The following HTRA1 variants were observed in gnomAD, a reference collection of about 807,000 sequenced individuals.
HTRA1 encodes the protein serine protease HTRA1.
In HTRA1, 26 loss-of-function variants were observed where a neutral mutation model predicts 49.7. That is an observed-to-expected ratio of 0.52 (90% CI 0.38 to 0.73). HTRA1 has a LOEUF of 0.73. Among genes scored for constraint, HTRA1 ranks in the 30% least tolerant of loss-of-function variants. The probability of loss-of-function intolerance (pLI) is 0.00; values close to 1 mark genes in which losing one functional copy is unlikely to be tolerated. For missense variants in HTRA1, 561 were observed against 667.2 expected (o/e 0.84, Z 1.75); for synonymous variants, 291 against 286.9 (o/e 1.01, Z -0.14).
chr10:122,505,015 G>A (rs891606771), intron 3 of HTRA1, among the ~76,000 whole-genome samples: 51 of 152,240 alleles, frequency 3.3e-4, no homozygotes, highest in African/African-American at 1.2e-3. Flanking sequence ...TGTTGGATTT[G>A]CACAGGCCCA....
chr10:122,498,432 A>G (rs1390495434), intron 3 of HTRA1, among the ~76,000 whole-genome samples: 1 of 152,046 alleles, frequency 6.6e-6, no homozygotes, highest in Non-Finnish European at 1.5e-5. Context: ...GCTCACTGCG[A>G]CCACCCTTGA....
In HTRA1 at chr10:122,487,385, G is replaced by A. The variant is rs902992921; in HGVS notation, c.473-1517G>A. 6.6e-6 allele frequency among the ~76,000 whole-genome samples: 1 copy of A among 152,188 alleles called. No individual in the cohort carries two copies. Among genetic ancestry groups the A allele is most frequent in the African/African-American group, 2.4e-5 (1 of 41,436 alleles). ...AAGGCTGCACTTCCAGGGACACACT[G>A]CCTCTGCCACCACCCGTGCCACGAA... is the stretch of plus-strand genomic sequence containing the variant. On this transcript the variant is annotated intron_variant, in intron 1 of 8. Transcript: ENST00000368984. This position sits in a 1 kb window ranked among gnomAD's most constrained non-coding sequence, Gnocchi z 4.8.
Position 122,464,557 on chromosome 10 carries a change from T to A in HTRA1, c.472+2433T>A, listed in dbSNP as rs2097482969. Reference sequence around the variant, plus strand: ...GTGGATTAGTGAATGAATAAATGAATGAATGAAGACAAACGGGAGGTGCTT... The same window carrying A: ...GTGGATTAGTGAATGAATAAATGAAAGAATGAAGACAAACGGGAGGTGCTT... On this transcript the variant is annotated intron_variant, in intron 1 of 8. Transcript: ENST00000368984. The surrounding 1 kb of genome is among the most constrained non-coding windows in gnomAD (Gnocchi z 4.8). Among the ~76,000 whole-genome samples the A allele has an allele frequency of 6.6e-6, 1 of 152,210 alleles. No homozygotes were observed. Among genetic ancestry groups the A allele is most frequent in the African/African-American group, 2.4e-5 (1 of 41,460 alleles).
At chr10:122,496,258 T>TTTTTTTTTTTTTTTG (rs1565427230) in intron 3 of HTRA1, among the ~76,000 whole-genome samples, 2 of 132,506 alleles carry the variant, frequency 1.5e-5, no homozygotes, top group African/African-American at 5.5e-5. Flanking sequence ...TTTTTTTTTT[T>TTTTTTTTTTTTTTTG]TGCAGAGATG....
At chr10:122,492,379 G>A (rs950265402) in intron 3 of HTRA1, among the ~76,000 whole-genome samples, 1 of 152,026 alleles carries the variant, frequency 6.6e-6, no homozygotes, top group Non-Finnish European at 1.5e-5. Flanking sequence ...TGTTGCCCAG[G>A]CTGGAGTGCA....
chr10:122,502,525 C>A (rs959056674), intron 3 of HTRA1, among the ~76,000 whole-genome samples: 2 of 152,152 alleles, frequency 1.3e-5, no homozygotes, highest in African/African-American at 4.8e-5. Flanking sequence ...CCTGGATGGC[C>A]GTCTAGGACA....
chr10:122,488,550 C>T (rs1177152756), intron 1 of HTRA1, among the ~76,000 whole-genome samples: 1 of 151,920 alleles, frequency 6.6e-6, no homozygotes, highest in African/African-American at 2.4e-5. Flanking sequence ...TGACAGAGTG[C>T]GACTCCATCT....
chr10:122,462,592 C>T (rs941294661), intron 1 of HTRA1, among the ~76,000 whole-genome samples: 2 of 152,246 alleles, frequency 1.3e-5, no homozygotes, highest in African/African-American at 2.4e-5. Context: ...CTGCTTTGAT[C>T]ACGGGACCGC....
chr10:122,481,524 C>T (rs535647462), intron 1 of HTRA1, among the ~76,000 whole-genome samples: 18 of 152,344 alleles, frequency 1.2e-4, no homozygotes, highest in South Asian at 1.0e-3. Flanking sequence ...GAGGGCTCCA[C>T]GCTGAAGCTT....
intron 1 of HTRA1, among the ~76,000 whole-genome samples, chr10:122,481,951 A>C (rs1036731487): frequency 1.3e-4 from 20 of 152,078 alleles, no homozygotes; most frequent in Non-Finnish European, 1.5e-5. Flanking sequence ...AGTCCAATAA[A>C]ACCTCCTTCT....
At chr10:122,475,870 A>C (rs2097488254) in intron 1 of HTRA1, among the ~76,000 whole-genome samples, 1 of 152,166 alleles carries the variant, frequency 6.6e-6, no homozygotes, top group Non-Finnish European at 1.5e-5. Context: ...CATGCCCCAG[A>C]CCAGTGCTGG....
In HTRA1 at chr10:122,506,240, C is replaced by T. The variant is rs535678270; in HGVS notation, c.778-451C>T. Among the ~76,000 whole-genome samples, 15 of 152,236 alleles carry T rather than the reference C, an allele frequency of 9.9e-5. No individual in the cohort carries two copies. Among genetic ancestry groups the T allele is most frequent in the South Asian group, 4.1e-4 (2 of 4,820 alleles). On this transcript the variant is annotated intron_variant, in intron 3 of 8. Coordinates refer to ENST00000368984, the MANE Select transcript of HTRA1 (RefSeq NM_002775.5). The surrounding 1 kb of genome is among the most constrained non-coding windows in gnomAD (Gnocchi z 5.2). ...CAGGACGGATGTGCACATGATGAGTCGGGGCAGGTTTCACTGCCTGTAGCT... is the reference window on the plus strand; with the variant it reads ...CAGGACGGATGTGCACATGATGAGTTGGGGCAGGTTTCACTGCCTGTAGCT...
intron 7 of HTRA1, among the ~76,000 whole-genome samples, chr10:122,511,732 CA>C (rs56119820): frequency 0.028 from 3,735 of 133,918 alleles, 99 homozygotes; most frequent in East Asian, 0.15. Context: ...GACTCTGTCT[CA>C]AAAAAAAAAA....
chr10:122,466,311 AC>A (rs1276955199), intron 1 of HTRA1, among the ~76,000 whole-genome samples: 1 of 151,886 alleles, frequency 6.6e-6, no homozygotes, highest in Non-Finnish European at 1.5e-5. Context: ...GACTACAGGC[AC>A]CCGCCACCAC....
Position 122,474,205 on chromosome 10 carries a change from C to T in HTRA1, c.472+12081C>T, listed in dbSNP as rs149874245. Among the ~76,000 whole-genome samples the T allele has an allele frequency of 1.4e-4, 21 of 152,258 alleles. No homozygotes were observed. In the South Asian group the frequency reaches 3.5e-3, roughly 26 times the overall value. ...ACTTTTTTGGAGCTGGAAAGGATGT[C>T]GGAAACCGTCTAGCCTACCCCCTCA... On this transcript the variant is annotated intron_variant, in intron 1 of 8. Coordinates refer to ENST00000368984, the MANE Select transcript of HTRA1 (RefSeq NM_002775.5).
At chr10:122,488,273 A>G (rs972116707) in intron 1 of HTRA1, among the ~76,000 whole-genome samples, 2 of 152,162 alleles carry the variant, frequency 1.3e-5, no homozygotes, top group Admixed American at 6.5e-5. Flanking sequence ...TGCCACATCA[A>G]AAAGGGACCC....
At chr10:122,504,014 G>A (rs1023197550) in intron 3 of HTRA1, among the ~76,000 whole-genome samples, 1 of 152,098 alleles carries the variant, frequency 6.6e-6, no homozygotes, top group Non-Finnish European at 1.5e-5. Context: ...CCATCTTGTC[G>A]AAGCCCATGT....
chr10:122,487,825 G>A lies in HTRA1; in HGVS notation c.473-1077G>A, dbSNP rs2097493736. ...AGTTGTAACAATGGTGAGTATTTGT[G>A]TATTCAAACATAGAAAAGGTATAGT... On this transcript the variant is annotated intron_variant, in intron 1 of 8. Transcript: ENST00000368984. The surrounding 1 kb of genome is among the most constrained non-coding windows in gnomAD (Gnocchi z 4.8). Among the ~76,000 whole-genome samples, 1 of 152,180 alleles carries A rather than the reference G, an allele frequency of 6.6e-6. No homozygotes were observed. Among genetic ancestry groups the A allele is most frequent in the South Asian group, 2.1e-4 (1 of 4,826 alleles).
chr10:122,504,403 A>T (rs2097502182), intron 3 of HTRA1, among the ~76,000 whole-genome samples: 1 of 152,144 alleles, frequency 6.6e-6, no homozygotes, highest in East Asian at 1.9e-4. Context: ...GTGAATTAGG[A>T]TCCCCACAGC....
Sources: allele counts gnomAD v4.1 joint callset (sites outside exome capture counted in the v4.1 genomes callset), GRCh38; gene constraint gnomAD v4.1.1; non-coding constraint Gnocchi (gnomAD v3.1); transcripts MANE v1.5; gene names NCBI Gene and HGNC (gene_info 2026-07-23, HGNC 2026-07-21).